The following DNMBP variants were observed in gnomAD, a reference collection of about 807,000 sequenced individuals.
The protein encoded by DNMBP is dynamin binding protein, also known as dynamin-binding protein.
In DNMBP, 87 loss-of-function variants were observed where a neutral mutation model predicts 150.0. The observed-to-expected ratio is 0.58, with a 90% CI of 0.49 to 0.69. DNMBP has a LOEUF of 0.69. Ranked by LOEUF, DNMBP falls within the 30% of genes least tolerant of loss-of-function variation. The probability of loss-of-function intolerance (pLI) is 0.00; values close to 1 mark genes in which losing one functional copy is unlikely to be tolerated. For missense variants in DNMBP, 1,774 were observed against 1,949.0 expected (o/e 0.91, Z 1.69); for synonymous variants, 711 against 750.4 (o/e 0.95, Z 0.86).
At chr10:99,997,191 T>G (rs544487714) in intron 1 of DNMBP, among the ~76,000 whole-genome samples, 1 of 152,376 alleles carries the variant, frequency 6.6e-6, no homozygotes, top group African/African-American at 2.4e-5. Flanking sequence ...AAGGAGTTTC[T>G]GGCACTCAGC....
intron 1 of DNMBP, among the ~76,000 whole-genome samples, chr10:99,992,841 A>G (rs2040911440): frequency 6.6e-6 from 1 of 152,020 alleles, no homozygotes; most frequent in African/African-American, 2.4e-5. Context: ...TAGGAGTTTT[A>G]AGACCAGACT....
intron 6 of DNMBP, among the ~76,000 whole-genome samples, chr10:99,907,314 T>TA (rs2039838381): frequency 6.6e-6 from 1 of 150,688 alleles, no homozygotes; most frequent in Admixed American, 6.6e-5. Context: ...GGCGACAGTG[T>TA]AAAAATCCTG....
At chr10:99,985,308 A>T (rs1175722194) in intron 1 of DNMBP, among the ~76,000 whole-genome samples, 1 of 152,164 alleles carries the variant, frequency 6.6e-6, no homozygotes, top group Non-Finnish European at 1.5e-5. Flanking sequence ...CTTTTATAGA[A>T]ACTACAGCCA....
chr10:99,940,825 C>A (rs1006243756), intron 4 of DNMBP, among the ~76,000 whole-genome samples: 1 of 152,170 alleles, frequency 6.6e-6, no homozygotes, highest in Non-Finnish European at 1.5e-5. Context: ...GTCACCAAAT[C>A]CCACAGTCAT....
intron 4 of DNMBP, among the ~76,000 whole-genome samples, chr10:99,917,978 A>G (rs1564731594): frequency 1.6e-5 from 2 of 121,818 alleles, no homozygotes; most frequent in South Asian, 5.1e-4. Context: ...CAAAAAAAAA[A>G]AAAAAAAAAA....
intron 1 of DNMBP, among the ~76,000 whole-genome samples, chr10:100,008,410 C>A (rs1254297899): frequency 1.3e-5 from 2 of 152,152 alleles, no homozygotes; most frequent in East Asian, 3.8e-4. Flanking sequence ...CGTTCCCAAG[C>A]CAGACTTGAG....
In DNMBP at chr10:99,955,263, G is replaced by C; in HGVS notation, c.2211C>G (p.Phe737Leu). Reference protein sequence around the residue: ...SRAETLEDLKFCESNIESLNM... With the variant: ...SRAETLEDLKLCESNIESLNM... ...TCAAACTTTCAATGTTACTTTCACA[G>C]AACTTGAGATCCTCGAGGGTCTCTG... Residue 737 changes from phenylalanine (F) to leucine (L), a missense_variant, in exon 4 of 17, where the codon TTC becomes TTG. Physicochemically the swap from Phe to Leu is conservative, Grantham distance 22 (BLOSUM62 0). Around this residue, in one of 2 missense-constraint regions of DNMBP, gnomAD observed 1,430 missense variants for 1,492.5 expected, o/e 0.96. Coordinates refer to ENST00000324109, the MANE Select transcript of DNMBP (RefSeq NM_015221.4). The C allele has an allele frequency of 6.2e-7, 1 of 1,614,018 alleles. No individual in the cohort carries two copies. Among genetic ancestry groups the C allele is most frequent in the Non-Finnish European group, 8.5e-7 (1 of 1,179,994 alleles).
Position 99,884,145 on chromosome 10 carries a change from T to C in DNMBP, c.3863A>G (p.Lys1288Arg). ...GAAGTTCCGTTCTGCCTGGAAGAGT[T>C]TTTCAGGGGGATACCTGGCCAGGAG... ...ASLLARYPPE[K>R]LFQAERNFNA... Residue 1288 changes from lysine (K) to arginine (R), a missense_variant, in exon 15 of 17, where the codon AAA (lysine) becomes AGA (arginine). Coordinates refer to ENST00000324109, the MANE Select transcript of DNMBP (RefSeq NM_015221.4). 29 of 1,614,038 alleles carry C rather than the reference T, an allele frequency of 1.8e-5. No homozygotes were observed. Among genetic ancestry groups the C allele is most frequent in the Non-Finnish European group, 2.5e-5 (29 of 1,180,012 alleles).
At chr10:99,879,084 C>CAAAAAAAAAAAAAAAAAAAAAAA (rs71009780) in intron 16 of DNMBP, among the ~76,000 whole-genome samples, 35 of 62,378 alleles carry the variant, frequency 5.6e-4, no homozygotes, top group Non-Finnish European at 8.4e-4. Flanking sequence ...GACTCTGTCT[C>CAAAAAAAAAAAAAAAAAAAAAAA]AAAAAAAAAA....
chr10:99,959,857 AAAAAAAAAAC>A (rs200088537), intron 3 of DNMBP, among the ~76,000 whole-genome samples: 45,966 of 132,954 alleles, frequency 0.35, 6,987 homozygotes, highest in African/African-American at 0.41. Context: ...CGTGTCTCAA[AAAAAAAAAAC>A]AAAAAAAAAA....
intron 1 of DNMBP, among the ~76,000 whole-genome samples, chr10:99,997,436 G>T (rs2040961541): frequency 6.6e-6 from 1 of 152,106 alleles, no homozygotes; most frequent in South Asian, 2.1e-4. Flanking sequence ...CTTGGGGCCA[G>T]ACCAAACTAC....
chr10:99,986,620 A>AAAAAAAAAAAAAC (rs1480261653), intron 1 of DNMBP, among the ~76,000 whole-genome samples: 8 of 136,612 alleles, frequency 5.9e-5, no homozygotes, highest in South Asian at 2.3e-4. Context: ...AAAAAAAAAA[A>AAAAAAAAAAAAAC]AAAAACCTGC....
At chr10:99,947,565 TGGAGGGAGGGAG>T (rs551358082) in intron 4 of DNMBP, among the ~76,000 whole-genome samples, 2 of 111,036 alleles carry the variant, frequency 1.8e-5, no homozygotes, top group African/African-American at 6.5e-5. Context: ...TACAGGACAA[TGGAGGGAGGGAG>T]GGAGGGAGGG....
intron 4 of DNMBP, chr10:99,930,492 C>T (rs1398726896): frequency 1.4e-6 from 1 of 703,036 alleles, no homozygotes; most frequent in Non-Finnish European, 2.6e-6. Context: ...GTGGTACACA[C>T]AGCCCTTTCC....
At position 99,971,330 on chromosome 10, in the gene DNMBP, T is replaced by C. The variant is rs187182366; in HGVS notation, c.145+650A>G. Among the ~76,000 whole-genome samples, 79 of 117,588 alleles carry C rather than the reference T, an allele frequency of 6.7e-4. 1 individual carries two copies. Among genetic ancestry groups the C allele is most frequent in the East Asian group, 2.4e-3 (11 of 4,576 alleles). 77.1% of individuals were successfully genotyped at this position (117,588 alleles called of 152,430 possible). ...CTTTTCTTTCCTTCCTTCCTTCCTTTCTTTCTTTTCTTTCTCTTCCTCCCT... is the reference window on the plus strand; with the variant it reads ...CTTTTCTTTCCTTCCTTCCTTCCTTCCTTTCTTTTCTTTCTCTTCCTCCCT... On this transcript the variant is annotated intron_variant, in intron 2 of 16. Transcript: ENST00000324109.
chr10:99,891,706 G>T (rs372637137), intron 11 of DNMBP, among the ~76,000 whole-genome samples: 4,519 of 148,042 alleles, frequency 0.031, 81 homozygotes, highest in South Asian at 0.081. Flanking sequence ...CTGCCCGGCC[G>T]CCATCCCACC....
chr10:99,879,404 G>C lies in DNMBP; in HGVS notation c.4548+407C>G, dbSNP rs141395788. Among the ~76,000 whole-genome samples the C allele has an allele frequency of 3.3e-5, 5 of 152,250 alleles. No homozygotes were observed. In the East Asian group the frequency reaches 9.7e-4, roughly 29 times the overall value. ...GAGAATTGCTTGAACTTGAGAGGTG[G>C]AGGTTGCAGTGAGCTGAGATCATGC... is the stretch of plus-strand genomic sequence containing the variant. On this transcript the variant is annotated intron_variant, in intron 16 of 16. Transcript: ENST00000324109.
Position 99,909,055 on chromosome 10 carries a change from C to T in DNMBP, c.2352G>A (p.Lys784=). 6.2e-7 allele frequency: 1 copy of T among 1,614,186 alleles called. No individual in the cohort carries two copies. The highest frequency in any genetic ancestry group is 1.1e-5 in the South Asian group (1 of 91,080). ...GAAGTTCTTCTATGACCTTGGCTCT[C>T]TTCTCCAGCATCCTCTGCTCTGGAT... is the stretch of plus-strand genomic sequence containing the variant. ...AENPEQRMLE[K]RAKVIEELLQ... Residue 784 remains lysine (K), a synonymous_variant, in exon 5 of 17, where the codon AAG becomes AAA. Transcript: ENST00000324109.
intron 4 of DNMBP, among the ~76,000 whole-genome samples, chr10:99,928,812 G>C (rs1212579406): frequency 6.6e-6 from 1 of 151,984 alleles, no homozygotes; most frequent in East Asian, 1.9e-4. Flanking sequence ...ACTGCCTATG[G>C]GGTAGCCCTG....
Sources: gnomAD v4.1 joint callset for allele counts (sites outside exome capture counted in the v4.1 genomes callset) on GRCh38, gnomAD v4.1.1 for gene constraint, gnomAD v4.1.1 regional missense constraint, MANE v1.5 for transcripts, NCBI Gene and HGNC (gene_info 2026-07-23, HGNC 2026-07-21) for gene names.